DOCK6: variants seen among roughly 807,000 people sequenced by gnomAD.
DOCK6 encodes the protein dedicator of cytokinesis protein 6.
Under a neutral mutation model 230.3 loss-of-function variants are expected in DOCK6, and 167 were observed. That is an observed-to-expected ratio of 0.73 (90% CI 0.64 to 0.82). DOCK6 has a LOEUF of 0.82. Ranked by LOEUF, DOCK6 falls within the 40% of genes least tolerant of loss-of-function variation. The pLI is 0.00. For missense variants in DOCK6, 2,598 were observed against 2,825.8 expected, an observed-to-expected ratio of 0.92 and a Z score of 1.83; for synonymous variants, 1,148 against 1,185.0, an observed-to-expected ratio of 0.97 and a Z score of 0.64.
Position 11,202,637 on chromosome 19 carries a change from C to G in DOCK6, c.5308G>C (p.Val1770Leu), listed in dbSNP as rs2079189815. The G allele has an allele frequency of 6.2e-7, 1 of 1,613,940 alleles. No homozygotes were observed. Among genetic ancestry groups the G allele is most frequent in the Non-Finnish European group, 8.5e-7 (1 of 1,179,914 alleles). Residue 1770 changes from valine (V) to leucine (L), a missense_variant, in exon 42 of 48, where the codon GTG (valine) becomes CTG (leucine). By Grantham distance (32) the Val-to-Leu change is conservative. Coordinates refer to ENST00000294618, the MANE Select transcript of DOCK6 (RefSeq NM_020812.4). This position sits in a 1 kb window ranked among gnomAD's most constrained non-coding sequence, Gnocchi z 5.3. ...TTCGTGATCGATGGCTCCTTGTACA[C>G]AAACTCCTGCTCATCCAGGTCACCG... ...HFGDLDEQEF[V>L]YKEPSITKLA...
chr19:11,204,131 CTGGGGATGAGGAG>C lies in DOCK6; in HGVS notation c.5221-49_5221-37del, dbSNP rs3217390. 888,914 of 1,526,716 alleles carry C rather than the reference CTGGGGATGAGGAG, an allele frequency of 0.58. 257,075 individuals are homozygous for C. Among genetic ancestry groups the C allele is most frequent in the Middle Eastern group, 0.63 (3,342 of 5,346 alleles). 94.6% of individuals were successfully genotyped at this position (1,526,716 alleles called of 1,614,324 possible). On this transcript the variant is annotated intron_variant, in intron 40 of 47. Coordinates refer to ENST00000294618, the MANE Select transcript of DOCK6 (RefSeq NM_020812.4). Reference sequence around the variant, plus strand: ...GAGAAGGGTCAAGGTCAGCAGATCCCTGGGGATGAGGAGTGGGGATGAGGAGTGGGGCTGAGGG... The same window carrying C: ...GAGAAGGGTCAAGGTCAGCAGATCCCTGGGGATGAGGAGTGGGGCTGAGGG...
At chr19:11,227,190 AACAG>A in intron 24 of DOCK6, 143 bp downstream of exon 24, 1 of 1,146,884 alleles carries the variant, frequency 8.7e-7, no homozygotes, top group East Asian at 2.5e-5. Flanking sequence ...GCACTTAAGA[AACAG>A]ACAATGAATG....
Position 11,253,036 on chromosome 19 carries a change from G to C in DOCK6, c.133-78C>G, listed in dbSNP as rs886840676. ...GGGCACGAGGCAGGGGTGGGTGCGCGCTGGCTTCAAACTCAAATAGGAGGG... is the reference window on the plus strand; with the variant it reads ...GGGCACGAGGCAGGGGTGGGTGCGCCCTGGCTTCAAACTCAAATAGGAGGG... On this transcript the variant is annotated intron_variant, in intron 2 of 47. Transcript: ENST00000294618. 6.4e-6 allele frequency: 9 copies of C among 1,414,942 alleles called. No individual in the cohort carries two copies. The Admixed American group carries it at 2.0e-4, about 32-fold the overall frequency. The allele number at this position is 1,414,942 out of a possible 1,614,324, so 87.6% of individuals were successfully genotyped here.
intron 22 of DOCK6, among the ~76,000 whole-genome samples, chr19:11,230,016 C>T (rs2079737595): frequency 7.9e-6 from 1 of 126,278 alleles, no homozygotes; most frequent in Non-Finnish European, 1.6e-5. Context: ...TGCACTCTAG[C>T]TTGGGTGACA....
At position 11,227,429 on chromosome 19, in the gene DOCK6, G is replaced by A. The variant is rs1167841086; in HGVS notation, c.2863C>T (p.Pro955Ser). The stretch of plus-strand genomic sequence containing the variant: ...CGTCCGGGGAAGCGCAGCTTGCGGG[G>A]TGTGTCTAGTCGCTGGCCAAGCAGC... ...HLLLGQRLDT[P>S]RKLRFPGRFL... Residue 955 changes from proline to serine, a missense_variant, in exon 24 of 48, where the codon CCC (proline) becomes TCC (serine). By Grantham distance (74) the Pro-to-Ser change is moderately conservative (BLOSUM62 -1). Coordinates refer to ENST00000294618, the MANE Select transcript of DOCK6 (RefSeq NM_020812.4). 1 of 1,611,954 alleles carries A rather than the reference G, an allele frequency of 6.2e-7. No homozygotes were observed.
rs540594309 is a variant in DOCK6, at chr19:11,243,020, TGA to T, written c.1480+37_1480+38del. ...AGTGTAGGTTTGTTGAGTGGCTGAG[TGA>T]GAGTGATACTTCTTGTGTATGGGGT... On this transcript the variant is annotated intron_variant, in intron 13 of 47. Transcript: ENST00000294618. The surrounding 1 kb of genome is among the most constrained non-coding windows in gnomAD (Gnocchi z 6.3). 2.3e-4 allele frequency: 369 copies of T among 1,609,322 alleles called. 1 individual carries two copies. The African/African-American group carries it at 4.5e-3, about 19-fold the overall frequency.
intron 13 of DOCK6, among the ~76,000 whole-genome samples, 156 bp from the exon 14 acceptor site, chr19:11,242,363 C>T (rs781090304): frequency 2.0e-5 from 3 of 152,066 alleles, no homozygotes; most frequent in Non-Finnish European, 4.4e-5. Context: ...GCCCTCAACT[C>T]TGCTGTCTGT....
rs1219376537 is a variant in DOCK6 at position 11,243,516 on chromosome 19, C to G, written c.1258+41G>C. ...CCCGCCCCAGGCCTGTCAGCACCAC[C>G]CTTTAGCCCCGCCCCAAGCCTGTTA... On this transcript the variant is annotated intron_variant, in intron 11 of 47. Coordinates refer to ENST00000294618, the MANE Select transcript of DOCK6 (RefSeq NM_020812.4). This position sits in a 1 kb window ranked among gnomAD's most constrained non-coding sequence, Gnocchi z 6.3. The G allele has an allele frequency of 6.4e-7, 1 of 1,561,728 alleles. No individual in the cohort carries two copies. Among genetic ancestry groups the G allele is most frequent in the Admixed American group, 1.9e-5 (1 of 52,868 alleles).
At position 11,236,554 on chromosome 19, in the gene DOCK6, G is replaced by A. The variant is rs765853988; in HGVS notation, c.2184C>T (p.Phe728=). The change falls in exon 20 of 48, where the codon TTC becomes TTT. Residue 728 remains phenylalanine, a synonymous_variant. Transcript: ENST00000294618. The surrounding 1 kb of genome is among the most constrained non-coding windows in gnomAD (Gnocchi z 5.2). ...HPQDPYLDKF[F]TLVHVLEEGA... The stretch of plus-strand genomic sequence containing the variant: ...CCTCCTCCAGGACGTGCACCAGGGT[G>A]AAGAATTTGTCCAGGTAGGGGTCCT... 5 of 1,597,404 alleles carry A rather than the reference G, an allele frequency of 3.1e-6. No individual in the cohort carries two copies. Among genetic ancestry groups the A allele is most frequent in the South Asian group, 1.1e-5 (1 of 87,984 alleles).
chr19:11,200,657 G>A lies in DOCK6; in HGVS notation c.5939+59C>T, dbSNP rs78779849. 2 of 1,534,530 alleles carry A rather than the reference G, an allele frequency of 1.3e-6. No homozygotes were observed. Among genetic ancestry groups the A allele is most frequent in the Non-Finnish European group, 1.8e-6 (2 of 1,132,706 alleles). On this transcript the variant is annotated intron_variant, in intron 46 of 47. Coordinates refer to ENST00000294618, the MANE Select transcript of DOCK6 (RefSeq NM_020812.4). This position sits in a 1 kb window ranked among gnomAD's most constrained non-coding sequence, Gnocchi z 4.3. ...GCCATGCAGAGATCAGATGGGCAGAGAGCAGGCCTATGCAGGTTAGGCAGA... is the reference window on the plus strand; with the variant it reads ...GCCATGCAGAGATCAGATGGGCAGAAAGCAGGCCTATGCAGGTTAGGCAGA...
chr19:11,226,593 G>A (rs113535966), intron 24 of DOCK6, among the ~76,000 whole-genome samples: 3,364 of 152,222 alleles, frequency 0.022, 124 homozygotes, highest in African/African-American at 0.076. Context: ...GGGAGGCGGA[G>A]GTTGTGGTGA....
chr19:11,236,795 G>A lies in DOCK6; in HGVS notation c.2158C>T (p.Gln720Ter). Residue 720 changes from glutamine (Q) to a stop codon, truncating the protein, a stop_gained and splice_region_variant, in exon 19 of 48, where the codon CAG (glutamine) becomes TAG (stop). Transcript: ENST00000294618. LOFTEE classifies it high-confidence loss of function. The surrounding 1 kb of genome is among the most constrained non-coding windows in gnomAD (Gnocchi z 5.2). ...ELTAVSSVHPQDPYLDKFFTL... is the reference protein window; with the variant it reads ...ELTAVSSVHP ...TTGGTTCCCGGCCCACCCCGTACCT[G>A]GGGGTGCACAGAGGACACGGCTGTG... is the stretch of plus-strand genomic sequence containing the variant. The A allele has an allele frequency of 6.4e-7, 1 of 1,552,918 alleles. No homozygotes were observed.
chr19:11,241,477 GGC>G, intron 14 of DOCK6: 1 of 1,551,948 alleles, frequency 6.4e-7, no homozygotes, highest in Non-Finnish European at 8.7e-7. Flanking sequence ...ACATCCTATG[GGC>G]CCTCACAGGC....
intron 30 of DOCK6, 163 bp from the exon 31 acceptor site, chr19:11,216,090 A>ATTT (rs1172973474): frequency 8.0e-6 from 5 of 621,714 alleles, no homozygotes; most frequent in Non-Finnish European, 9.5e-6. Context: ...CAAAAAAAAA[A>ATTT]TTTTTTTTTT....
chr19:11,255,464 C>T (rs145498520), intron 1 of DOCK6, among the ~76,000 whole-genome samples: 3,145 of 152,180 alleles, frequency 0.021, 111 homozygotes, highest in African/African-American at 0.072. Flanking sequence ...CAGGTGTGCA[C>T]CACCATGCCT....
At position 11,236,488 on chromosome 19, in the gene DOCK6, C is replaced by A; in HGVS notation, c.2250G>T (p.Glu750Asp). The A allele has an allele frequency of 6.2e-7, 1 of 1,601,494 alleles. No homozygotes were observed. Among genetic ancestry groups the A allele is most frequent in the African/African-American group, 1.3e-5 (1 of 74,828 alleles). ...PFRLKDTVLS[E>D]GNVEQELRAS... ...CCCGCAGCTCCTGCTCCACGTTGCC[C>A]TCGCTCAGCACAGTGTCCTTGAGCC... is the stretch of plus-strand genomic sequence containing the variant. The change falls in exon 20 of 48, where the codon GAG becomes GAT. Residue 750 changes from glutamate to aspartate, a missense_variant. Physicochemically the swap from Glu to Asp is conservative, Grantham distance 45 (BLOSUM62 2). Coordinates refer to ENST00000294618, the MANE Select transcript of DOCK6 (RefSeq NM_020812.4). The surrounding 1 kb of genome is among the most constrained non-coding windows in gnomAD (Gnocchi z 5.2).
At chr19:11,240,086 A>G in intron 14 of DOCK6, 1 of 1,550,748 alleles carries the variant, frequency 6.4e-7, no homozygotes. Context: ...CCTTAGGTAC[A>G]CAAAGATGAG....
chr19:11,248,789 T>C (rs1300738775), intron 6 of DOCK6, among the ~76,000 whole-genome samples: 1 of 152,170 alleles, frequency 6.6e-6, no homozygotes, highest in Non-Finnish European at 1.5e-5. Flanking sequence ...TGGGTCTCTC[T>C]ATTCATGGCT....
At chr19:11,260,691 T>G (rs2096021062) in intron 1 of DOCK6, among the ~76,000 whole-genome samples, 1 of 151,010 alleles carries the variant, frequency 6.6e-6, no homozygotes, top group African/African-American at 2.4e-5. Context: ...GTGACCAGCC[T>G]GGTCAACATG....
Sources: allele counts gnomAD v4.1 joint callset (sites outside exome capture counted in the v4.1 genomes callset), GRCh38; gene constraint gnomAD v4.1.1; non-coding constraint Gnocchi (gnomAD v3.1); transcripts MANE v1.5; gene names NCBI Gene and HGNC (gene_info 2026-07-23, HGNC 2026-07-21).